Variants in SYNDIG1 observed in about 807,000 individuals in gnomAD.
SYNDIG1 encodes synapse differentiation-inducing gene protein 1.
SYNDIG1 carries 9 observed loss-of-function variants against 19.4 expected under a neutral mutation model. The observed-to-expected ratio is 0.46, with a 90% confidence interval of 0.28 to 0.81. The LOEUF (loss-of-function observed/expected upper bound fraction) is 0.81, where lower values mean the gene tolerates loss of function less well. Among genes scored for constraint, SYNDIG1 ranks in the 30% least tolerant of loss-of-function variants. The probability of loss-of-function intolerance (pLI) is 0.12; values close to 1 mark genes in which losing one functional copy is unlikely to be tolerated. For synonymous variants in SYNDIG1, 141 were observed against 145.9 expected (o/e 0.97, Z 0.24); for missense variants, 311 against 343.3 (o/e 0.91, Z 0.74).
intron 1 of SYNDIG1, among the ~76,000 whole-genome samples, chr20:24,481,108 TTG>T (rs908042465): frequency 1.3e-5 from 2 of 151,910 alleles, no homozygotes; most frequent in African/African-American, 2.4e-5. Context: ...AAATTTTATG[TTG>T]TGTGTGTGTG....
chr20:24,471,532 C>A (rs1001229450), intron 1 of SYNDIG1, among the ~76,000 whole-genome samples: 3 of 149,554 alleles, frequency 2.0e-5, no homozygotes, highest in African/African-American at 7.4e-5. Context: ...AGTAGCTGAT[C>A]GGCGCCCTCT....
intron 1 of SYNDIG1, among the ~76,000 whole-genome samples, chr20:24,518,278 C>T (rs1225752867): frequency 6.6e-6 from 1 of 151,980 alleles, no homozygotes; most frequent in Non-Finnish European, 1.5e-5. Flanking sequence ...CGGGAGCAAG[C>T]AGGGGAGTGG....
At chr20:24,477,822 G>A (rs2055679016) in intron 1 of SYNDIG1, among the ~76,000 whole-genome samples, 1 of 152,220 alleles carries the variant, frequency 6.6e-6, no homozygotes, top group Non-Finnish European at 1.5e-5. Context: ...GTGCGATGGA[G>A]GGGCTGATGG....
chr20:24,526,920 T>C (rs2057136611), intron 1 of SYNDIG1, among the ~76,000 whole-genome samples: 1 of 152,236 alleles, frequency 6.6e-6, no homozygotes, highest in Admixed American at 6.5e-5. Context: ...TAGTTTTTGT[T>C]GCTATGTAGA....
Position 24,665,596 on chromosome 20 carries a change from G to A in SYNDIG1, c.*92G>A. On this transcript the variant is annotated 3_prime_UTR_variant, in exon 4 of 4. Transcript: ENST00000376862. ...CCGCATGATGCTGTACAGTACAAAT[G>A]ATTGCCAAATGATGCCACGAAGCCC... 1 of 1,526,126 alleles carries A rather than the reference G, an allele frequency of 6.6e-7. No homozygotes were observed. 94.5% of individuals were successfully genotyped at this position (1,526,126 alleles called of 1,614,324 possible). A position where few individuals can be genotyped will look rare whatever the true frequency, so the allele number is the denominator to read the frequency against.
chr20:24,546,011 C>A (rs2057569210), intron 2 of SYNDIG1, among the ~76,000 whole-genome samples: 1 of 152,118 alleles, frequency 6.6e-6, no homozygotes. Context: ...AAGAAATGGC[C>A]CCTTCCACAG....
At chr20:24,483,758 C>T (rs1184755502) in intron 1 of SYNDIG1, among the ~76,000 whole-genome samples, 1 of 152,192 alleles carries the variant, frequency 6.6e-6, no homozygotes, top group Non-Finnish European at 1.5e-5. Flanking sequence ...TTGTGGCAGA[C>T]CCCAGAGACA....
At chr20:24,554,952 T>A (rs2146825905) in intron 2 of SYNDIG1, among the ~76,000 whole-genome samples, 1 of 152,194 alleles carries the variant, frequency 6.6e-6, no homozygotes, top group Admixed American at 6.5e-5. Flanking sequence ...TTTTGGTTGG[T>A]AAGCTATTGA....
At chr20:24,590,238 C>T (rs1000417587) in intron 3 of SYNDIG1, among the ~76,000 whole-genome samples, 1 of 149,640 alleles carries the variant, frequency 6.7e-6, no homozygotes, top group African/African-American at 2.5e-5. Flanking sequence ...CCTGCAGTGC[C>T]GAGGCCCTGG....
chr20:24,617,917 A>G (rs1600756896), intron 3 of SYNDIG1, among the ~76,000 whole-genome samples: 1 of 68,750 alleles, frequency 1.5e-5, no homozygotes, highest in Admixed American at 1.7e-4. Flanking sequence ...AGCCTGGAGA[A>G]GCGGGAGAGC....
At chr20:24,496,320 G>A (rs578084606) in intron 1 of SYNDIG1, among the ~76,000 whole-genome samples, 4 of 152,278 alleles carry the variant, frequency 2.6e-5, no homozygotes, top group East Asian at 3.9e-4. Flanking sequence ...AAGTGTTGCC[G>A]TCTAATGATA....
At chr20:24,536,832 A>G (rs1458797281) in intron 1 of SYNDIG1, among the ~76,000 whole-genome samples, 1 of 152,130 alleles carries the variant, frequency 6.6e-6, no homozygotes, top group Non-Finnish European at 1.5e-5. Context: ...CCCATTTTTC[A>G]AATAAAATAC....
intron 2 of SYNDIG1, among the ~76,000 whole-genome samples, chr20:24,558,357 A>G (rs759604858): frequency 7.9e-5 from 12 of 152,148 alleles, no homozygotes; most frequent in Non-Finnish European, 5.9e-5. Flanking sequence ...TCTGATATTA[A>G]CATAGCCACT....
intron 1 of SYNDIG1, among the ~76,000 whole-genome samples, chr20:24,490,236 A>T (rs1326410667): frequency 2.0e-5 from 3 of 152,230 alleles, no homozygotes; most frequent in African/African-American, 7.2e-5. Flanking sequence ...GAACACGCAG[A>T]TCACAGTTCC....
chr20:24,504,681 T>A (rs1050047222), intron 1 of SYNDIG1, among the ~76,000 whole-genome samples: 25 of 152,226 alleles, frequency 1.6e-4, no homozygotes, highest in African/African-American at 6.0e-4. Context: ...GAACAGCTTC[T>A]ACTTCAAAGA....
At chr20:24,490,176 C>T (rs545399016) in intron 1 of SYNDIG1, among the ~76,000 whole-genome samples, 4 of 152,176 alleles carry the variant, frequency 2.6e-5, no homozygotes, top group South Asian at 2.1e-4. Context: ...AGTGCCTCTG[C>T]GGGTCTGGTT....
At chr20:24,560,054 T>C (rs1164059188) in intron 2 of SYNDIG1, among the ~76,000 whole-genome samples, 2 of 137,952 alleles carry the variant, frequency 1.4e-5, no homozygotes, top group African/African-American at 5.5e-5. Flanking sequence ...TTAACATTTC[T>C]CTCCTCTCCT....
At chr20:24,527,363 A>G (rs1009776085) in intron 1 of SYNDIG1, among the ~76,000 whole-genome samples, 2 of 151,680 alleles carry the variant, frequency 1.3e-5, no homozygotes, top group Admixed American at 6.6e-5. Context: ...TCATTTTTCT[A>G]TTTATTCTGG....
chr20:24,658,322 A>ACG lies in SYNDIG1; in HGVS notation c.619-7021_619-7020dup, dbSNP rs1170146258. Among the ~76,000 whole-genome samples the ACG allele has an allele frequency of 6.6e-6, 1 of 151,962 alleles. No individual in the cohort carries two copies. Among genetic ancestry groups the ACG allele is most frequent in the African/African-American group, 2.4e-5 (1 of 41,394 alleles). On this transcript the variant is annotated intron_variant, in intron 3 of 3. Coordinates refer to ENST00000376862, the MANE Select transcript of SYNDIG1 (RefSeq NM_024893.3). This position sits in a 1 kb window ranked among gnomAD's most constrained non-coding sequence, Gnocchi z 4.4. Reference sequence around the variant, plus strand: ...GTGTCTCGGGGAAAGGCAGGTAGTGACGCGGCAGGGGACTGGAGCTCGGTG... The same window carrying ACG: ...GTGTCTCGGGGAAAGGCAGGTAGTGACGCGCGGCAGGGGACTGGAGCTCGGTG...
Sources: gnomAD v4.1 joint callset for allele counts (sites outside exome capture counted in the v4.1 genomes callset) on GRCh38, gnomAD v4.1.1 for gene constraint, Gnocchi (gnomAD v3.1) non-coding constraint, MANE v1.5 for transcripts, NCBI Gene and HGNC (gene_info 2026-07-23, HGNC 2026-07-21) for gene names.